Variants in FCER2 observed in about 807,000 individuals in gnomAD.
The protein encoded by FCER2 is low affinity immunoglobulin epsilon Fc receptor.
Under a neutral mutation model 49.7 loss-of-function variants are expected in FCER2, and 38 were observed. The observed-to-expected ratio is 0.76, with a 90% confidence interval of 0.59 to 1.00. FCER2 has a LOEUF of 1.00. FCER2 is among the 50% of genes least tolerant of loss of function. The probability of loss-of-function intolerance (pLI) is 0.00; values close to 1 mark genes in which losing one functional copy is unlikely to be tolerated. For missense variants in FCER2, 425 were observed against 419.5 expected, an observed-to-expected ratio of 1.01 and a Z score of -0.11; for synonymous variants, 163 against 164.6, an observed-to-expected ratio of 0.99 and a Z score of 0.07.
chr19:7,694,011 C>T (rs34184389), intron 8 of FCER2, among the ~76,000 whole-genome samples: 40,398 of 149,456 alleles, frequency 0.27, 6,101 homozygotes, highest in African/African-American at 0.42. Flanking sequence ...AGGCCAGTCT[C>T]GAACTCCTGG....
intron 2 of FCER2, chr19:7,699,283 G>T: frequency 1.4e-6 from 1 of 695,242 alleles, no homozygotes; most frequent in Non-Finnish European, 2.2e-6. Context: ...TTTCCCAGGT[G>T]TCATCCAACA....
Position 7,699,776 on chromosome 19 carries a change from A to T in FCER2, c.-16T>A. 6.2e-7 allele frequency: 1 copy of T among 1,613,412 alleles called. No individual in the cohort carries two copies. The highest frequency in any genetic ancestry group is 8.5e-7 in the Non-Finnish European group (1 of 1,179,480). ...CTTCCTCCATGGCGGTCCTGCTTGG[A>T]TTCTCCCGATGATGGAGCACTCACT... is the stretch of plus-strand genomic sequence containing the variant. On this transcript the variant is annotated 5_prime_UTR_variant, in exon 2 of 11. Transcript: ENST00000597921.
At position 7,690,495 on chromosome 19, in the gene FCER2, C is replaced by G. The variant is rs911429952; in HGVS notation, c.532G>C (p.Gly178Arg). 12 of 1,613,984 alleles carry G rather than the reference C, an allele frequency of 7.4e-6. No individual in the cohort carries two copies. The highest frequency in any genetic ancestry group is 3.3e-5 in the Admixed American group (2 of 60,000). Residue 178 changes from glycine to arginine, a missense_variant, in exon 9 of 11, where the codon GGC becomes CGC. Coordinates refer to ENST00000597921, the MANE Select transcript of FCER2 (RefSeq NM_001220500.2). ...INFQRKCYYF[G>R]KGTKQWVHAR... ...TGGACCCACTGCTTGGTGCCCTTGC[C>G]GAAGTAGTAGCACTTCCGTTGGAAA...
intron 3 of FCER2, 132 bp downstream of exon 3, chr19:7,698,609 G>C: frequency 7.9e-7 from 1 of 1,260,574 alleles, no homozygotes; most frequent in Non-Finnish European, 1.1e-6. Context: ...TGGCAAGATG[G>C]GAGGCAGGAT....
chr19:7,698,909 C>T, intron 2 of FCER2, 55 bp from the exon 3 acceptor site: 1 of 1,529,954 alleles, frequency 6.5e-7, no homozygotes, highest in Non-Finnish European at 8.8e-7. Flanking sequence ...GATGCTGGCC[C>T]TGTCCGTCTC....
intron 8 of FCER2, among the ~76,000 whole-genome samples, chr19:7,695,146 A>G (rs902712485): frequency 9.9e-5 from 15 of 152,224 alleles, no homozygotes; most frequent in Non-Finnish European, 4.4e-5. Flanking sequence ...CCTACCCCAC[A>G]TTAAGGGTAC....
intron 2 of FCER2, 165 bp downstream of exon 2, chr19:7,699,574 A>G: frequency 1.7e-6 from 2 of 1,194,618 alleles, no homozygotes; most frequent in Admixed American, 4.7e-5. Flanking sequence ...GCTCTGTGCC[A>G]GGAAAGTCAG....
intron 1 of FCER2, chr19:7,700,074 G>C: frequency 4.7e-6 from 2 of 422,084 alleles, no homozygotes; most frequent in Non-Finnish European, 8.5e-6. Flanking sequence ...CTACACAGCA[G>C]GTGCACCCAT....
At position 7,697,609 on chromosome 19, in the gene FCER2, G is replaced by A; in HGVS notation, c.191-20C>T. The A allele has an allele frequency of 2.5e-6, 4 of 1,612,358 alleles. No homozygotes were observed. The highest frequency in any genetic ancestry group is 3.4e-6 in the Non-Finnish European group (4 of 1,178,606). ...GAGAGACTGGAGCGGCGGGAGAGAA[G>A]AGATATCCCAGGAACCTCAAAGGCA... On this transcript the variant is annotated intron_variant, in intron 4 of 10. Transcript: ENST00000597921.
chr19:7,700,527 T>G (rs2033129839), intron 1 of FCER2, among the ~76,000 whole-genome samples: 2 of 152,126 alleles, frequency 1.3e-5, no homozygotes, highest in Admixed American at 1.3e-4. Context: ...TATTTATTTA[T>G]TTATTGAAAT....
chr19:7,698,246 T>G (rs994705495), intron 4 of FCER2, 110 bp downstream of exon 4: 1 of 797,150 alleles, frequency 1.3e-6, no homozygotes, highest in Non-Finnish European at 2.0e-6. Flanking sequence ...AGCAACTTAG[T>G]TTGACCTTCA....
chr19:7,699,280 G>T, intron 2 of FCER2: 2 of 675,450 alleles, frequency 3.0e-6, no homozygotes, highest in Non-Finnish European at 4.6e-6. Context: ...CACTTTCCCA[G>T]GTGTCATCCA....
At chr19:7,694,890 A>T (rs1427300679) in intron 8 of FCER2, among the ~76,000 whole-genome samples, 2 of 152,010 alleles carry the variant, frequency 1.3e-5, no homozygotes, top group Non-Finnish European at 2.9e-5. Flanking sequence ...GCTGGAGTGC[A>T]GTGGCTCAAT....
chr19:7,690,583 T>C (rs2277995), intron 8 of FCER2, 26 bp from the exon 9 acceptor site: 470,465 of 1,603,798 alleles, frequency 0.29, 72,819 homozygotes, highest in African/African-American at 0.54. Flanking sequence ...GGCTCGGGGG[T>C]GGGGCCAATG....
At chr19:7,694,064 T>C (rs187886673) in intron 8 of FCER2, among the ~76,000 whole-genome samples, 2 of 152,082 alleles carry the variant, frequency 1.3e-5, no homozygotes, top group African/African-American at 4.8e-5. Flanking sequence ...AATGCTGGGA[T>C]TACAGGCGTG....
chr19:7,699,359 C>T (rs1401585550), intron 2 of FCER2: 1 of 1,319,628 alleles, frequency 7.6e-7, no homozygotes, highest in South Asian at 1.2e-5. Context: ...CCTCAAGCCC[C>T]TGGCCCTCTG....
intron 5 of FCER2, 97 bp downstream of exon 5, chr19:7,697,430 G>T: frequency 6.8e-7 from 1 of 1,466,548 alleles, no homozygotes; most frequent in South Asian, 1.1e-5. Flanking sequence ...CGGGTGTCGG[G>T]GGTGGGGCAC....
At chr19:7,690,077 T>G in intron 10 of FCER2, 82 bp downstream of exon 10, 1 of 907,608 alleles carries the variant, frequency 1.1e-6, no homozygotes, top group Non-Finnish European at 1.8e-6. Flanking sequence ...CTCATCCGCT[T>G]TCCGATGCAG....
chr19:7,689,660 G>A (rs1055063891), intron 10 of FCER2, among the ~76,000 whole-genome samples: 1 of 152,016 alleles, frequency 6.6e-6, no homozygotes, highest in Non-Finnish European at 1.5e-5. Context: ...TCACTCTGTC[G>A]CCCAGGCTGG....
Sources: gnomAD v4.1 joint callset for allele counts (sites outside exome capture counted in the v4.1 genomes callset) on GRCh38, gnomAD v4.1.1 for gene constraint, MANE v1.5 for transcripts, NCBI Gene and HGNC (gene_info 2026-07-23, HGNC 2026-07-21) for gene names.